The following CNTNAP4 variants were observed in gnomAD, a reference collection of about 807,000 sequenced individuals.
CNTNAP4 encodes the protein contactin-associated protein-like 4.
Under a neutral mutation model 148.4 loss-of-function variants are expected in CNTNAP4, and 98 were observed. The ratio of observed to expected loss-of-function variants is 0.66; its 90% CI spans 0.56 to 0.78. The LOEUF (loss-of-function observed/expected upper bound fraction) is 0.78. CNTNAP4 is among the 30% of genes least tolerant of loss of function. CNTNAP4 has a pLI of 0.00. For synonymous variants in CNTNAP4, 730 were observed against 565.1 expected, an observed-to-expected ratio of 1.29 and a Z score of -4.14; for missense variants, 1,935 against 1,565.6, an observed-to-expected ratio of 1.24 and a Z score of -3.98.
rs138792482 is a variant in CNTNAP4 at position 76,282,194 on chromosome 16, G to A, written c.85+4447G>A. On this transcript the variant is annotated intron_variant, in intron 1 of 23. Coordinates refer to ENST00000611870, the MANE Select transcript of CNTNAP4 (RefSeq NM_033401.5). ...ATTATTGCCAGGAACTGTAACAGAG[G>A]ATATCTTCAAGTTAATGTTTCCTTG... Among the ~76,000 whole-genome samples the A allele has an allele frequency of 3.3e-5, 5 of 151,954 alleles. No individual in the cohort carries two copies. The East Asian group carries it at 9.6e-4, about 29-fold the overall frequency.
chr16:76,327,936 C>T (rs760446141), intron 2 of CNTNAP4, among the ~76,000 whole-genome samples: 2 of 152,192 alleles, frequency 1.3e-5, no homozygotes, highest in Admixed American at 6.5e-5. Context: ...CCCCTTCCTG[C>T]GTGCCACATC....
chr16:76,443,012 A>T (rs1312569072), intron 4 of CNTNAP4, among the ~76,000 whole-genome samples: 4 of 152,156 alleles, frequency 2.6e-5, no homozygotes, highest in Non-Finnish European at 5.9e-5. Flanking sequence ...TTGTCAGAAC[A>T]ATTTGCAACT....
At chr16:76,550,556 A>G (rs1039027431) in intron 21 of CNTNAP4, among the ~76,000 whole-genome samples, 2 of 152,158 alleles carry the variant, frequency 1.3e-5, no homozygotes, top group African/African-American at 4.8e-5. Context: ...AGGCCTATGG[A>G]AATTTTATTC....
At chr16:76,456,466 A>G (rs922727928) in intron 8 of CNTNAP4, among the ~76,000 whole-genome samples, 1 of 152,224 alleles carries the variant, frequency 6.6e-6, no homozygotes, top group Non-Finnish European at 1.5e-5. Flanking sequence ...CAGGAGAGAA[A>G]GAAGTTTGTG....
At chr16:76,405,903 G>GT (rs956349485) in intron 3 of CNTNAP4, among the ~76,000 whole-genome samples, 7 of 151,996 alleles carry the variant, frequency 4.6e-5, no homozygotes, top group Non-Finnish European at 1.0e-4. Context: ...AATGAAATAC[G>GT]TTTTTGTGCT....
At chr16:76,391,831 G>A (rs34547729) in intron 3 of CNTNAP4, among the ~76,000 whole-genome samples, 33 of 152,300 alleles carry the variant, frequency 2.2e-4, no homozygotes, top group Non-Finnish European at 3.7e-4. Flanking sequence ...TGCTTCAGAC[G>A]TCTTGAGTCA....
Position 76,448,140 on chromosome 16 carries a change from C to T in CNTNAP4, c.667C>T (p.His223Tyr). ...CATGCAGAGTGATGGGATTCTACTC[C>T]ACAGGGAAGGGCCAAATGGAGATCA... ...KTMQSDGILLHREGPNGDHIT... is the reference protein window; with the variant it reads ...KTMQSDGILLYREGPNGDHIT... Residue 223 changes from histidine (H) to tyrosine (Y), a missense_variant, in exon 5 of 24, where the codon CAC becomes TAC. Coordinates refer to ENST00000611870, the MANE Select transcript of CNTNAP4 (RefSeq NM_033401.5). 1 of 1,613,390 alleles carries T rather than the reference C, an allele frequency of 6.2e-7. No individual in the cohort carries two copies. The highest frequency in any genetic ancestry group is 8.5e-7 in the Non-Finnish European group (1 of 1,179,468).
At chr16:76,315,020 A>G (rs1961555587) in intron 1 of CNTNAP4, among the ~76,000 whole-genome samples, 1 of 152,106 alleles carries the variant, frequency 6.6e-6, no homozygotes, top group African/African-American at 2.4e-5. Context: ...TTATTTTATA[A>G]CTTGATTTTG....
intron 21 of CNTNAP4, among the ~76,000 whole-genome samples, chr16:76,543,771 T>C (rs1261867021): frequency 6.6e-6 from 1 of 152,218 alleles, no homozygotes; most frequent in East Asian, 1.9e-4. Flanking sequence ...TTGGGAATCA[T>C]GGCCTTGGTA....
chr16:76,450,266 C>T (rs942888896), intron 7 of CNTNAP4, among the ~76,000 whole-genome samples: 5 of 152,114 alleles, frequency 3.3e-5, no homozygotes, highest in Admixed American at 6.5e-5. Flanking sequence ...TCTCCTACCT[C>T]AGCCTCCTGA....
chr16:76,338,044 T>C (rs1175789223), intron 2 of CNTNAP4, among the ~76,000 whole-genome samples: 1 of 152,210 alleles, frequency 6.6e-6, no homozygotes, highest in Non-Finnish European at 1.5e-5. Flanking sequence ...CACAGGATCC[T>C]GAGGTGACAT....
intron 3 of CNTNAP4, among the ~76,000 whole-genome samples, chr16:76,420,009 A>G (rs138513227): frequency 3.9e-5 from 6 of 151,942 alleles, no homozygotes; most frequent in African/African-American, 1.2e-4. Context: ...TTCAACATAG[A>G]ATTTTGAGAG....
chr16:76,299,886 A>G (rs1959758431), intron 1 of CNTNAP4, among the ~76,000 whole-genome samples: 1 of 152,158 alleles, frequency 6.6e-6, no homozygotes, highest in Non-Finnish European at 1.5e-5. Flanking sequence ...TCAGCAAACT[A>G]TCACAAGGAC....
rs1001591588 is a variant in CNTNAP4, at chr16:76,560,410, A to G, written c.*1727A>G. 6.6e-6 allele frequency among the ~76,000 whole-genome samples: 1 copy of G among 152,220 alleles called. No homozygotes were observed. The highest frequency in any genetic ancestry group is 1.5e-5 in the Non-Finnish European group (1 of 68,036). On this transcript the variant is annotated 3_prime_UTR_variant, in exon 24 of 24. Coordinates refer to ENST00000611870, the MANE Select transcript of CNTNAP4 (RefSeq NM_033401.5). ...GTAGTTTACGAAGGACTAAGGACCT[A>G]TGTTGGTAGATGGTATACTCTTTGT...
At chr16:76,498,498 C>A in intron 14 of CNTNAP4, 69 bp from the exon 15 acceptor site, 2 of 1,398,040 alleles carry the variant, frequency 1.4e-6, no homozygotes, top group South Asian at 1.4e-5. Context: ...TTCAGAACAT[C>A]TTGGTTTTGC....
chr16:76,546,194 C>A (rs1389357430), intron 21 of CNTNAP4, among the ~76,000 whole-genome samples: 1 of 152,132 alleles, frequency 6.6e-6, no homozygotes, highest in African/African-American at 2.4e-5. Flanking sequence ...AACATGGAAC[C>A]TGTGAAGTGG....
chr16:76,538,438 C>G (rs1568562942), intron 19 of CNTNAP4, 98 bp downstream of exon 19: 13 of 901,808 alleles, frequency 1.4e-5, no homozygotes, highest in Middle Eastern at 2.5e-4. Context: ...AAGCTACAAA[C>G]AGAAAAATGG....
At chr16:76,307,610 TG>T (rs1196948073) in intron 1 of CNTNAP4, among the ~76,000 whole-genome samples, 1 of 149,224 alleles carries the variant, frequency 6.7e-6, no homozygotes, top group African/African-American at 2.5e-5. Flanking sequence ...TTAGGTGACA[TG>T]GCGTCACATA....
At chr16:76,498,715 GA>G in intron 15 of CNTNAP4, 21 bp downstream of exon 15, 2 of 1,577,168 alleles carry the variant, frequency 1.3e-6, no homozygotes, top group Non-Finnish European at 1.7e-6. Context: ...ACAATGTGTT[GA>G]AACCGTATTT....
Sources: allele counts gnomAD v4.1 joint callset (sites outside exome capture counted in the v4.1 genomes callset), GRCh38; gene constraint gnomAD v4.1.1; transcripts MANE v1.5; gene names NCBI Gene and HGNC (gene_info 2026-07-23, HGNC 2026-07-21).